Variants in FRYL observed in about 807,000 individuals in gnomAD.
FRYL encodes the protein FRY like transcription coactivator.
In FRYL, 150 loss-of-function variants were observed where a neutral mutation model predicts 351.2. That is an observed-to-expected ratio of 0.43 (90% CI 0.37 to 0.49). The LOEUF (loss-of-function observed/expected upper bound fraction) is 0.49. Among genes scored for constraint, FRYL ranks in the 20% least tolerant of loss-of-function variants. The pLI is 0.00. For missense variants in FRYL, 3,036 were observed against 3,619.3 expected, an observed-to-expected ratio of 0.84 and a Z score of 4.13; for synonymous variants, 1,153 against 1,257.1, an observed-to-expected ratio of 0.92 and a Z score of 1.75.
At chr4:48,633,704 C>A (rs1753700608) in intron 4 of FRYL, among the ~76,000 whole-genome samples, 1 of 152,150 alleles carries the variant, frequency 6.6e-6, no homozygotes, top group African/African-American at 2.4e-5. Context: ...TGTTATTTCT[C>A]TTACTTTCTT....
In FRYL at chr4:48,501,690, A is replaced by C. The variant is rs1458698596; in HGVS notation, c.8525T>G (p.Leu2842Trp). 2 of 1,610,672 alleles carry C rather than the reference A, an allele frequency of 1.2e-6. No homozygotes were observed. The highest frequency in any genetic ancestry group is 3.3e-5 in the Admixed American group (2 of 59,934). ...ACAGTAGGCCTGGAACAGAAGCAGC[A>C]ATTGAAAATGCAATTTGTATAATCT... Reference protein sequence around the residue: ...CRRLYKLHFQLLLLFQAYCKL... With the variant: ...CRRLYKLHFQWLLLFQAYCKL... Residue 2842 changes from leucine (L) to tryptophan (W), a missense_variant, in exon 62 of 64, where the codon TTG (leucine) becomes TGG (tryptophan). Transcript: ENST00000358350.
At chr4:48,569,612 T>A (rs534562546) in intron 27 of FRYL, among the ~76,000 whole-genome samples, 4 of 152,320 alleles carry the variant, frequency 2.6e-5, no homozygotes, top group Middle Eastern at 6.8e-3. Context: ...TTCTTTTTTT[T>A]ATTTGCTTTT....
intron 18 of FRYL, among the ~76,000 whole-genome samples, chr4:48,589,395 T>A (rs1387583841): frequency 8.9e-6 from 1 of 112,024 alleles, no homozygotes; most frequent in African/African-American, 3.3e-5. Flanking sequence ...TTTTTTTTTT[T>A]AAACTAGGGC....
chr4:48,745,717 C>T (rs1309499579), intron 1 of FRYL, among the ~76,000 whole-genome samples: 2 of 151,970 alleles, frequency 1.3e-5, no homozygotes, highest in African/African-American at 2.4e-5. Context: ...CAAACCTGCA[C>T]GTTGTGCACA....
At chr4:48,677,395 G>A (rs1375809736) in intron 3 of FRYL, among the ~76,000 whole-genome samples, 6 of 151,510 alleles carry the variant, frequency 4.0e-5, no homozygotes, top group Admixed American at 2.0e-4. Context: ...AAAAAATAAC[G>A]ATTTTTTGTG....
chr4:48,553,662 A>AC (rs201128861), intron 35 of FRYL, among the ~76,000 whole-genome samples: 4,505 of 118,696 alleles, frequency 0.038, 69 homozygotes, highest in Admixed American at 0.071. Context: ...TAAAAAAAAA[A>AC]AAAAAAAAAA....
chr4:48,674,244 A>C (rs1440667838), intron 3 of FRYL, among the ~76,000 whole-genome samples: 1 of 152,140 alleles, frequency 6.6e-6, no homozygotes, highest in Non-Finnish European at 1.5e-5. Flanking sequence ...TCAGTAAATA[A>C]TATCTTCCTC....
chr4:48,630,603 G>A (rs1752776798), intron 4 of FRYL, among the ~76,000 whole-genome samples: 1 of 152,138 alleles, frequency 6.6e-6, no homozygotes, highest in African/African-American at 2.4e-5. Flanking sequence ...GTATTGGATT[G>A]CATAGCCTGC....
chr4:48,528,075 G>T, intron 51 of FRYL, 30 bp from the exon 52 acceptor site: 1 of 1,557,982 alleles, frequency 6.4e-7, no homozygotes, highest in African/African-American at 1.4e-5. Flanking sequence ...TAAAATGTTA[G>T]GACTGCTGAT....
At position 48,499,103 on chromosome 4, in the gene FRYL, C is replaced by T. The variant is rs1027816773; in HGVS notation, c.*319G>A. 5 of 223,266 alleles carry T rather than the reference C, an allele frequency of 2.2e-5. No homozygotes were observed. The highest frequency in any genetic ancestry group is 1.2e-4 in the African/African-American group (5 of 43,068). The allele number at this position is 223,266 out of a possible 1,614,324, so 13.8% of individuals were successfully genotyped here. A position where few individuals can be genotyped will look rare whatever the true frequency, so the allele number is the denominator to read the frequency against. ...CAGTATTGGAGGCCATTATTGCAAACATTCTTGGAATTCTTTTCTTTCCCC... is the reference window on the plus strand; with the variant it reads ...CAGTATTGGAGGCCATTATTGCAAATATTCTTGGAATTCTTTTCTTTCCCC... On this transcript the variant is annotated 3_prime_UTR_variant, in exon 64 of 64. Coordinates refer to ENST00000358350, the MANE Select transcript of FRYL (RefSeq NM_015030.2).
intron 3 of FRYL, among the ~76,000 whole-genome samples, chr4:48,635,475 A>G (rs901715886): frequency 2.0e-5 from 3 of 152,234 alleles, no homozygotes; most frequent in African/African-American, 7.2e-5. Context: ...AATGACTCAC[A>G]GCATTTTTAC....
intron 1 of FRYL, among the ~76,000 whole-genome samples, chr4:48,754,394 C>T (rs761622168): frequency 1.3e-5 from 2 of 152,124 alleles, no homozygotes; most frequent in Non-Finnish European, 2.9e-5. Context: ...AGCTGATGGA[C>T]ATTTGGGTTG....
chr4:48,545,317 T>C (rs1408319358), intron 42 of FRYL, among the ~76,000 whole-genome samples: 1 of 152,212 alleles, frequency 6.6e-6, no homozygotes, highest in African/African-American at 2.4e-5. Flanking sequence ...GTCCTCTTGA[T>C]TCTTTCTTCA....
chr4:48,575,287 G>C, intron 24 of FRYL, 46 bp from the exon 25 acceptor site: 1 of 1,583,838 alleles, frequency 6.3e-7, no homozygotes. Context: ...ATGATACTAT[G>C]TCCAATTAGA....
rs751641525 is a variant in FRYL, at chr4:48,540,383, G to A, written c.6265C>T (p.His2089Tyr). Residue 2089 changes from histidine to tyrosine, a missense_variant, in exon 46 of 64, where the codon CAT becomes TAT. Coordinates refer to ENST00000358350, the MANE Select transcript of FRYL (RefSeq NM_015030.2). ...AATTGGGAAGGATCCACCAATGTATGTTTGGAGACAGAAATGAGTTTACTG... is the reference window on the plus strand; with the variant it reads ...AATTGGGAAGGATCCACCAATGTATATTTGGAGACAGAAATGAGTTTACTG... ...LLSKLISVSKHTLVDPSQLSG... is the reference protein window; with the variant it reads ...LLSKLISVSKYTLVDPSQLSG... 1 of 1,613,818 alleles carries A rather than the reference G, an allele frequency of 6.2e-7. No individual in the cohort carries two copies. Among genetic ancestry groups the A allele is most frequent in the Non-Finnish European group, 8.5e-7 (1 of 1,179,778 alleles).
At chr4:48,762,292 G>A (rs958710283) in intron 1 of FRYL, among the ~76,000 whole-genome samples, 12 of 152,230 alleles carry the variant, frequency 7.9e-5, no homozygotes, top group African/African-American at 2.6e-4. Context: ...AACATATCTT[G>A]ACACATAGAG....
chr4:48,547,821 C>A (rs776627300), intron 40 of FRYL, 52 bp from the exon 41 acceptor site: 1 of 1,184,672 alleles, frequency 8.4e-7, no homozygotes, highest in Non-Finnish European at 1.1e-6. Context: ...AATGAGTATT[C>A]TTACTACCAA....
chr4:48,565,416 G>T, intron 29 of FRYL, 115 bp downstream of exon 29: 1 of 678,660 alleles, frequency 1.5e-6, no homozygotes, highest in Non-Finnish European at 2.2e-6. Flanking sequence ...TTTTGAATAT[G>T]GCAGAAAAAC....
chr4:48,728,997 A>G (rs1770409546), intron 1 of FRYL, among the ~76,000 whole-genome samples: 1 of 152,196 alleles, frequency 6.6e-6, no homozygotes, highest in Admixed American at 6.5e-5. Context: ...CTGTACCTGG[A>G]GGCGCAGTAC....
Sources: gnomAD v4.1 joint callset for allele counts (sites outside exome capture counted in the v4.1 genomes callset) on GRCh38, gnomAD v4.1.1 for gene constraint, MANE v1.5 for transcripts, NCBI Gene and HGNC (gene_info 2026-07-23, HGNC 2026-07-21) for gene names.